The following KDM1A variants were observed in gnomAD, a reference collection of about 807,000 sequenced individuals.
KDM1A encodes the protein lysine demethylase 1A.
In KDM1A, 49 loss-of-function variants were observed where a neutral mutation model predicts 109.4. The ratio of observed to expected loss-of-function variants is 0.45; its 90% confidence interval spans 0.36 to 0.57. KDM1A has a LOEUF of 0.57. Among genes scored for constraint, KDM1A ranks in the 20% least tolerant of loss-of-function variants. The probability of loss-of-function intolerance (pLI) is 0.00; values close to 1 mark genes in which losing one functional copy is unlikely to be tolerated. For missense variants in KDM1A, 668 were observed against 1,116.6 expected (o/e 0.60, Z 5.73); for synonymous variants, 380 against 415.4 (o/e 0.91, Z 1.04).
chr1:23,020,518 G>C (rs1458696156), intron 1 of KDM1A: 2 of 151,470 alleles, frequency 1.3e-5, no homozygotes. Context: ...TCCTCTCAGC[G>C]ATCTTTTGGC....
At chr1:23,049,639 C>G (rs538573361) in intron 3 of KDM1A, among the ~76,000 whole-genome samples, 2 of 150,426 alleles carry the variant, frequency 1.3e-5, no homozygotes, top group African/African-American at 4.9e-5. Context: ...GAGCCAAGAT[C>G]GCACCACTAC....
In KDM1A at chr1:23,079,205, C is replaced by T. The variant is rs1387771485; in HGVS notation, c.2055+28C>T. On this transcript the variant is annotated intron_variant, in intron 17 of 20. Coordinates refer to ENST00000400181, the MANE Select transcript of KDM1A (RefSeq NM_001009999.3). This position sits in a 1 kb window ranked among gnomAD's most constrained non-coding sequence, Gnocchi z 5.6. ...AGCTTGCCCTAGACACTCCTGTCTACAGATCTGATGTACAAATAGCAGTCT... is the reference window on the plus strand; with the variant it reads ...AGCTTGCCCTAGACACTCCTGTCTATAGATCTGATGTACAAATAGCAGTCT... 1 of 1,600,864 alleles carries T rather than the reference C, an allele frequency of 6.2e-7. No homozygotes were observed. The highest frequency in any genetic ancestry group is 8.5e-7 in the Non-Finnish European group (1 of 1,170,424).
chr1:23,074,211 C>T (rs1643399775), intron 15 of KDM1A, among the ~76,000 whole-genome samples: 1 of 152,210 alleles, frequency 6.6e-6, no homozygotes. Flanking sequence ...AGCAACTCTT[C>T]CTGAGCTTAT....
chr1:23,071,148 C>A, intron 12 of KDM1A, 77 bp from the exon 13 acceptor site: 1 of 1,284,744 alleles, frequency 7.8e-7, no homozygotes, highest in Admixed American at 2.4e-5. Flanking sequence ...TTTTGAGGAG[C>A]CAAAAAAGGG....
rs969047469 is a variant in KDM1A at position 23,060,308 on chromosome 1, T to C, written c.1167+1141T>C. ...ATTCTTTTTTCCCAACTTTTTATTATGGAAATTTAAAAACACGGACTGAAG... is the reference window on the plus strand; with the variant it reads ...ATTCTTTTTTCCCAACTTTTTATTACGGAAATTTAAAAACACGGACTGAAG... On this transcript the variant is annotated intron_variant, in intron 9 of 20. Coordinates refer to ENST00000400181, the MANE Select transcript of KDM1A (RefSeq NM_001009999.3). Among the ~76,000 whole-genome samples the C allele has an allele frequency of 5.3e-5, 8 of 152,322 alleles. 1 individual carries two copies. The East Asian group carries it at 1.5e-3, about 29-fold the overall frequency.
chr1:23,082,134 T>TCC, intron 19 of KDM1A, 86 bp from the exon 20 acceptor site: 1 of 1,439,682 alleles, frequency 6.9e-7, no homozygotes, highest in South Asian at 1.3e-5. Flanking sequence ...CACTTGCATC[T>TCC]CCACCCACCA....
intron 2 of KDM1A, among the ~76,000 whole-genome samples, chr1:23,033,161 G>T (rs1487273914): frequency 6.6e-6 from 1 of 152,196 alleles, no homozygotes; most frequent in Non-Finnish European, 1.5e-5. Flanking sequence ...TGCCTGGCCT[G>T]TGGGTTTGTT....
chr1:23,059,445 C>T, intron 9 of KDM1A: 1 of 446,680 alleles, frequency 2.2e-6, no homozygotes, highest in South Asian at 1.8e-5. Flanking sequence ...TTTTATTTGG[C>T]TGTGGCCACT....
intron 2 of KDM1A, among the ~76,000 whole-genome samples, chr1:23,033,410 T>C (rs567714488): frequency 6.6e-6 from 1 of 151,874 alleles, no homozygotes; most frequent in South Asian, 2.1e-4. Context: ...TAATCCCAGC[T>C]ACTTGGGAGG....
rs146687989 is a variant in KDM1A, at chr1:23,036,516, A to G, written c.517+5882A>G. ...CATTTCGGTGTTCTGATTTGGACCT[A>G]TGCTCCAAAATACCTTACTGGAGGG... On this transcript the variant is annotated intron_variant, in intron 2 of 20. Transcript: ENST00000400181. Among the ~76,000 whole-genome samples, 129 of 122,506 alleles carry G rather than the reference A, an allele frequency of 1.1e-3. 2 individuals are homozygous for G. In the East Asian group the frequency reaches 0.021, roughly 20 times the overall value. The allele number at this position is 122,506 out of a possible 152,430, so 80.4% of individuals were successfully genotyped here.
chr1:23,065,047 A>C (rs1369914609), intron 9 of KDM1A, among the ~76,000 whole-genome samples: 3 of 152,204 alleles, frequency 2.0e-5, no homozygotes, highest in Non-Finnish European at 4.4e-5. Flanking sequence ...CTGCCTTCTA[A>C]TGTGGTACTT....
Position 23,035,307 on chromosome 1 carries a change from A to G in KDM1A, c.517+4673A>G, listed in dbSNP as rs549174594. Among the ~76,000 whole-genome samples, 501 of 152,256 alleles carry G rather than the reference A, an allele frequency of 3.3e-3. 2 individuals carry two copies. The highest frequency in any genetic ancestry group is 0.012 in the African/African-American group (480 of 41,540). The stretch of plus-strand genomic sequence containing the variant: ...AACCTCCGCCTCCCGGGTTCAAGCA[A>G]TTCTCCTGCCTTAGTCTCTCAAGTA... On this transcript the variant is annotated intron_variant, in intron 2 of 20. Transcript: ENST00000400181.
In KDM1A at chr1:23,050,471, G is replaced by A; in HGVS notation, c.662G>A (p.Ser221Asn). Residue 221 changes from serine to asparagine, a missense_variant, in exon 4 of 21, where the codon AGT (serine) becomes AAT (asparagine). Around this residue, in one of 8 missense-constraint regions of KDM1A, gnomAD observed 149 missense variants for 189.7 expected, o/e 0.79. Coordinates refer to ENST00000400181, the MANE Select transcript of KDM1A (RefSeq NM_001009999.3). ...QEAACFPDII[S>N]GPQQTQKVFL... The stretch of plus-strand genomic sequence containing the variant: ...GCAGCCTGTTTTCCAGATATTATCA[G>A]TGGACCACAACAGACCCAGAAGGTT... 6.2e-7 allele frequency: 1 copy of A among 1,613,304 alleles called. No homozygotes were observed. The highest frequency in any genetic ancestry group is 2.2e-5 in the East Asian group (1 of 44,808).
At position 23,083,298 on chromosome 1, in the gene KDM1A, G is replaced by A. The variant is rs778104346; in HGVS notation, c.2565G>A (p.Gly855=). 2 of 1,613,898 alleles carry A rather than the reference G, an allele frequency of 1.2e-6. No individual in the cohort carries two copies. Residue 855 remains glycine (G), a synonymous_variant, in exon 21 of 21, where the codon GGG becomes GGA. Coordinates refer to ENST00000400181, the MANE Select transcript of KDM1A (RefSeq NM_001009999.3). The part of the protein sequence containing the change: ...EAGRIADQFL[G]AMYTLPRQAT... ...GAAGAATTGCAGACCAGTTTTTGGG[G>A]GCCATGTATACGCTGCCTCGCCAGG...
chr1:23,053,999 T>C (rs1306551921), intron 5 of KDM1A, among the ~76,000 whole-genome samples, 160 bp downstream of exon 5: 1 of 152,192 alleles, frequency 6.6e-6, no homozygotes, highest in African/African-American at 2.4e-5. Flanking sequence ...AAAACCTGTT[T>C]TCTATGTTTT....
At chr1:23,021,519 C>T (rs535378692) in intron 1 of KDM1A, among the ~76,000 whole-genome samples, 1 of 152,208 alleles carries the variant, frequency 6.6e-6, no homozygotes, top group Non-Finnish European at 1.5e-5. Flanking sequence ...AAAAAATTAG[C>T]CGGGCGTGGT....
chr1:23,055,309 A>G lies in KDM1A; in HGVS notation c.883+148A>G, dbSNP rs538753821. On this transcript the variant is annotated intron_variant, in intron 6 of 20. Coordinates refer to ENST00000400181, the MANE Select transcript of KDM1A (RefSeq NM_001009999.3). ...TTCCAAGTTTATCTTCTTAAAGTCA[A>G]GTTAAATATAATAAATAAATAATAA... 8 of 379,786 alleles carry G rather than the reference A, an allele frequency of 2.1e-5. No individual in the cohort carries two copies. In the East Asian group the frequency reaches 2.7e-4, roughly 13 times the overall value. The allele number at this position is 379,786 out of a possible 1,614,324, so 23.5% of individuals were successfully genotyped here.
chr1:23,040,875 G>A (rs144813357), intron 2 of KDM1A, among the ~76,000 whole-genome samples: 6 of 152,244 alleles, frequency 3.9e-5, no homozygotes, highest in Non-Finnish European at 8.8e-5. Flanking sequence ...AAAACAAAAG[G>A]GAGTTTCTTG....
intron 2 of KDM1A, among the ~76,000 whole-genome samples, chr1:23,035,422 G>A (rs1211680111): frequency 3.9e-5 from 6 of 152,072 alleles, no homozygotes; most frequent in East Asian, 3.9e-4. Context: ...GGCTGATCTC[G>A]AACTCCTGAC....
Sources: gnomAD v4.1 joint callset for allele counts (sites outside exome capture counted in the v4.1 genomes callset) on GRCh38, gnomAD v4.1.1 for gene constraint, gnomAD v4.1.1 regional missense constraint, Gnocchi (gnomAD v3.1) non-coding constraint, MANE v1.5 for transcripts, NCBI Gene and HGNC (gene_info 2026-07-23, HGNC 2026-07-21) for gene names.